Variants in NTNG1 observed in about 807,000 individuals in gnomAD.
NTNG1 encodes the protein netrin-G1.
In NTNG1, 16 loss-of-function variants were observed where a neutral mutation model predicts 54.0. That is an observed-to-expected ratio of 0.30 (90% CI 0.20 to 0.45). The LOEUF (loss-of-function observed/expected upper bound fraction) is 0.45. Ranked by LOEUF, NTNG1 falls within the 20% of genes least tolerant of loss-of-function variation. The pLI is 1.00. For synonymous variants in NTNG1, 255 were observed against 263.1 expected, an observed-to-expected ratio of 0.97 and a Z score of 0.30; for missense variants, 530 against 678.7, an observed-to-expected ratio of 0.78 and a Z score of 2.43.
chr1:107,317,381 A>AT (rs967734150), intron 2 of NTNG1, among the ~76,000 whole-genome samples: 9 of 152,138 alleles, frequency 5.9e-5, no homozygotes, highest in Non-Finnish European at 1.2e-4. Context: ...TAAAGAAAAT[A>AT]TTTTTTAAAA....
At chr1:107,228,869 G>A (rs1464907016) in intron 2 of NTNG1, among the ~76,000 whole-genome samples, 1 of 152,158 alleles carries the variant, frequency 6.6e-6, no homozygotes, top group Non-Finnish European at 1.5e-5. Context: ...GGCAAGACAA[G>A]CCATGTGCTG....
intron 7 of NTNG1, chr1:107,460,543 A>G (rs990844245): frequency 7.0e-6 from 3 of 428,860 alleles, no homozygotes; most frequent in African/African-American, 2.0e-5. Context: ...ATTTATATTC[A>G]CAGCAACTTG....
intron 2 of NTNG1, among the ~76,000 whole-genome samples, chr1:107,189,919 A>C (rs4915022): frequency 0.8 from 121,769 of 152,028 alleles, 53,135 homozygotes; most frequent in East Asian, 0.99. Flanking sequence ...AATAGCCCAA[A>C]TATCCATTGA....
chr1:107,209,142 A>G (rs773440125), intron 2 of NTNG1, among the ~76,000 whole-genome samples: 3 of 151,724 alleles, frequency 2.0e-5, no homozygotes, highest in Non-Finnish European at 2.9e-5. Flanking sequence ...TTTAACTGCA[A>G]ATACCCCATA....
chr1:107,203,644 C>G (rs922280973), intron 2 of NTNG1, among the ~76,000 whole-genome samples: 1 of 151,120 alleles, frequency 6.6e-6, no homozygotes, highest in African/African-American at 2.4e-5. Flanking sequence ...CTAAATTCTA[C>G]TGAAGTATTG....
At chr1:107,198,330 T>C (rs1302609144) in intron 2 of NTNG1, among the ~76,000 whole-genome samples, 1 of 151,970 alleles carries the variant, frequency 6.6e-6, no homozygotes, top group Non-Finnish European at 1.5e-5. Flanking sequence ...AAGATTACTA[T>C]TGAGATAATT....
chr1:107,188,186 AAG>A, intron 2 of NTNG1, among the ~76,000 whole-genome samples: 1 of 152,104 alleles, frequency 6.6e-6, no homozygotes, highest in African/African-American at 2.4e-5. Context: ...GATTGATGTG[AAG>A]CGACAATAGA....
chr1:107,319,743 C>CTTAATGA (rs1557895900), intron 2 of NTNG1, among the ~76,000 whole-genome samples: 2 of 151,970 alleles, frequency 1.3e-5, no homozygotes, highest in African/African-American at 4.8e-5. Context: ...GCAAATCTCG[C>CTTAATGA]GTAAGAATTC....
intron 3 of NTNG1, among the ~76,000 whole-genome samples, chr1:107,376,453 A>G (rs1258680991): frequency 2.0e-5 from 3 of 151,958 alleles, no homozygotes; most frequent in Non-Finnish European, 4.4e-5. Flanking sequence ...TTGCTATTGT[A>G]TTTCCATTTT....
chr1:107,208,688 A>G (rs1659379402), intron 2 of NTNG1, among the ~76,000 whole-genome samples: 1 of 152,140 alleles, frequency 6.6e-6, no homozygotes, highest in Non-Finnish European at 1.5e-5. Context: ...TCCAGTGACC[A>G]AGGCATTGTC....
intron 3 of NTNG1, among the ~76,000 whole-genome samples, chr1:107,350,426 G>A (rs1220580365): frequency 6.6e-6 from 1 of 151,894 alleles, no homozygotes; most frequent in Non-Finnish European, 1.5e-5. Context: ...TTATGTTTTT[G>A]TGTTTTACTT....
intron 3 of NTNG1, among the ~76,000 whole-genome samples, chr1:107,377,151 A>G (rs545324492): frequency 2.9e-4 from 44 of 152,352 alleles, no homozygotes; most frequent in Middle Eastern, 3.4e-3. Context: ...CCTTAAAACA[A>G]GGTTGTTGAA....
At chr1:107,267,848 G>A (rs1337465915) in intron 2 of NTNG1, among the ~76,000 whole-genome samples, 1 of 151,964 alleles carries the variant, frequency 6.6e-6, no homozygotes, top group Non-Finnish European at 1.5e-5. Context: ...TCACTAGAAT[G>A]AAAAAACAAA....
chr1:107,344,600 T>C (rs553812532), intron 3 of NTNG1, among the ~76,000 whole-genome samples: 1 of 152,302 alleles, frequency 6.6e-6, no homozygotes, highest in South Asian at 2.1e-4. Context: ...TTTTCAAGTC[T>C]ACTTGATGAA....
At chr1:107,256,213 C>T (rs1662923851) in intron 2 of NTNG1, among the ~76,000 whole-genome samples, 1 of 152,114 alleles carries the variant, frequency 6.6e-6, no homozygotes, top group African/African-American at 2.4e-5. Flanking sequence ...CTTTAATTGT[C>T]TTTTCCTCTT....
chr1:107,318,995 G>A (rs1397085096), intron 2 of NTNG1, among the ~76,000 whole-genome samples: 1 of 152,126 alleles, frequency 6.6e-6, no homozygotes, highest in African/African-American at 2.4e-5. Context: ...TAGTATGTTT[G>A]TGGTGCTGAT....
intron 3 of NTNG1, among the ~76,000 whole-genome samples, chr1:107,367,311 T>C (rs1209654630): frequency 2.0e-5 from 3 of 152,194 alleles, no homozygotes; most frequent in Middle Eastern, 3.4e-3. Flanking sequence ...GAAATATAGA[T>C]AGGAATTAGA....
intron 3 of NTNG1, among the ~76,000 whole-genome samples, chr1:107,347,355 C>T (rs1669310636): frequency 6.6e-6 from 1 of 151,968 alleles, no homozygotes; most frequent in Admixed American, 6.6e-5. Flanking sequence ...ATCTAGAAAA[C>T]ATTAGAAAAA....
intron 2 of NTNG1, among the ~76,000 whole-genome samples, chr1:107,233,131 T>C (rs1029164376): frequency 9.2e-5 from 14 of 152,172 alleles, no homozygotes; most frequent in African/African-American, 3.1e-4. Context: ...TATGGAAACA[T>C]TAAACCATAT....
Sources: allele counts gnomAD v4.1 joint callset (sites outside exome capture counted in the v4.1 genomes callset), GRCh38; gene constraint gnomAD v4.1.1; transcripts MANE v1.5; gene names NCBI Gene and HGNC (gene_info 2026-07-23, HGNC 2026-07-21).